Variants in CMYA5 observed in about 807,000 individuals in gnomAD.
The protein encoded by CMYA5 is cardiomyopathy-associated protein 5.
A neutral mutation model predicts 318.9 loss-of-function variants in CMYA5; 246 were observed. That is an observed-to-expected ratio of 0.77 (90% CI 0.70 to 0.86). CMYA5 has a LOEUF of 0.86. CMYA5 is among the 40% of genes least tolerant of loss of function. The pLI is 0.00. For synonymous variants in CMYA5, 1,641 were observed against 1,729.5 expected (o/e 0.95, Z 1.27); for missense variants, 4,589 against 4,678.2 (o/e 0.98, Z 0.56).
At chr5:79,694,780 C>T (rs1342017602) in intron 1 of CMYA5, among the ~76,000 whole-genome samples, 1 of 152,172 alleles carries the variant, frequency 6.6e-6, no homozygotes, top group East Asian at 1.9e-4. Context: ...CACAGATGTG[C>T]TTACCTAGGT....
chr5:79,715,797 C>G (rs2151079885), intron 1 of CMYA5, among the ~76,000 whole-genome samples: 1 of 152,260 alleles, frequency 6.6e-6, no homozygotes, highest in East Asian at 1.9e-4. Flanking sequence ...AATTGTCAAC[C>G]CTATTTTTCC....
At chr5:79,726,648 G>C (rs769754206) in intron 1 of CMYA5, among the ~76,000 whole-genome samples, 9 of 152,146 alleles carry the variant, frequency 5.9e-5, no homozygotes, top group Non-Finnish European at 1.0e-4. Flanking sequence ...GCTATTGCAG[G>C]CTAGTGGCCC....
chr5:79,728,448 G>T (rs1406983119), intron 1 of CMYA5, among the ~76,000 whole-genome samples: 1 of 152,028 alleles, frequency 6.6e-6, no homozygotes, highest in Non-Finnish European at 1.5e-5. Context: ...GGGGGAAAAT[G>T]AGGTACCTGT....
Position 79,799,558 on chromosome 5 carries a change from C to G in CMYA5, c.12152C>G (p.Pro4051Arg). ...CACCCTGCCTTTGCCCTGGAGAAACCTGGAAAATGTACTTTGCACCTGGGG... is the reference window on the plus strand; with the variant it reads ...CACCCTGCCTTTGCCCTGGAGAAACGTGGAAAATGTACTTTGCACCTGGGG... ...GVHPAFALEK[P>R]GKCTLHLGIE... The change falls in exon 13 of 13, where the codon CCT (proline) becomes CGT (arginine). Residue 4051 changes from proline (P) to arginine (R), a missense_variant. Physicochemically the swap from Pro to Arg is moderately radical, Grantham distance 103. This residue lies in a region of CMYA5 where 2,431 missense variants were observed against 2,495.1 expected (regional missense o/e 0.97). Coordinates refer to ENST00000446378, the MANE Select transcript of CMYA5 (RefSeq NM_153610.5). The G allele has an allele frequency of 6.2e-7, 1 of 1,613,942 alleles. No homozygotes were observed. The highest frequency in any genetic ancestry group is 8.5e-7 in the Non-Finnish European group (1 of 1,179,874).
chr5:79,752,394 C>A (rs1339629183), intron 5 of CMYA5, among the ~76,000 whole-genome samples: 1 of 152,070 alleles, frequency 6.6e-6, no homozygotes, highest in Non-Finnish European at 1.5e-5. Flanking sequence ...ATTTTTAGGA[C>A]CAACTTTATA....
chr5:79,793,551 G>C lies in CMYA5; in HGVS notation c.11904G>C (p.Gln3968His). Residue 3968 changes from glutamine to histidine, a missense_variant, in exon 12 of 13, where the codon CAG (glutamine) becomes CAC (histidine). Around this residue, in one of 3 missense-constraint regions of CMYA5, gnomAD observed 2,431 missense variants for 2,495.1 expected, o/e 0.97. Coordinates refer to ENST00000446378, the MANE Select transcript of CMYA5 (RefSeq NM_153610.5). ...GCATCTGCTCCAGCTCGGCTGTGCA[G>C]GCAGGTGCCCTAGGACAAGGGGAGA... ...RLGICSSSAV[Q>H]AGALGQGETS... 1 of 1,613,824 alleles carries C rather than the reference G, an allele frequency of 6.2e-7. No individual in the cohort carries two copies.
intron 1 of CMYA5, among the ~76,000 whole-genome samples, chr5:79,706,100 T>C (rs760752990): frequency 3.3e-5 from 5 of 152,130 alleles, no homozygotes; most frequent in Non-Finnish European, 7.3e-5. Context: ...CGCAAGATAA[T>C]GAAAGCTGGG....
chr5:79,729,811 G>A lies in CMYA5; in HGVS notation c.1046G>A (p.Gly349Asp), dbSNP rs1366271. Reference protein sequence around the residue: ...EHTVPSYSSSGRAEQGIQLRH... With the variant: ...EHTVPSYSSSDRAEQGIQLRH... ...ACAGTTCCCTCTTATTCAAGTAGTGGCAGAGCAGAACAAGGAATACAGCTC... is the reference window on the plus strand; with the variant it reads ...ACAGTTCCCTCTTATTCAAGTAGTGACAGAGCAGAACAAGGAATACAGCTC... The change falls in exon 2 of 13, where the codon GGC (glycine) becomes GAC (aspartate). Residue 349 changes from glycine to aspartate, a missense_variant. Gly to Asp is a moderately conservative substitution (Grantham distance 94, BLOSUM62 -1). Coordinates refer to ENST00000446378, the MANE Select transcript of CMYA5 (RefSeq NM_153610.5). 180,298 of 1,613,238 alleles carry A rather than the reference G, an allele frequency of 0.11. 16,963 individuals carry two copies. Among genetic ancestry groups the A allele is most frequent in the East Asian group, 0.46 (20,534 of 44,836 alleles).
intron 7 of CMYA5, 52 bp downstream of exon 7, chr5:79,758,954 T>A: frequency 4.2e-6 from 6 of 1,420,492 alleles, no homozygotes; most frequent in Admixed American, 2.2e-5. Flanking sequence ...TGCATCTTCA[T>A]GTGAAGTATT....
At chr5:79,696,772 G>A (rs890199171) in intron 1 of CMYA5, among the ~76,000 whole-genome samples, 12 of 152,172 alleles carry the variant, frequency 7.9e-5, no homozygotes, top group African/African-American at 2.7e-4. Flanking sequence ...TAGGGAGGCC[G>A]AGACGGGCAG....
At chr5:79,718,941 C>G (rs1042803408) in intron 1 of CMYA5, among the ~76,000 whole-genome samples, 2 of 152,274 alleles carry the variant, frequency 1.3e-5, no homozygotes, top group Admixed American at 6.5e-5. Flanking sequence ...ACTCTACCAT[C>G]TAGGTTTGTG....
In CMYA5 at chr5:79,739,197, C is replaced by T. The variant is rs1354249442; in HGVS notation, c.10432C>T (p.Gln3478Ter). The T allele has an allele frequency of 6.2e-7, 1 of 1,613,190 alleles. No individual in the cohort carries two copies. Among genetic ancestry groups the T allele is most frequent in the Admixed American group, 1.7e-5 (1 of 59,864 alleles). The stretch of plus-strand genomic sequence containing the variant: ...GGCAGAACAAAGTACACCTGCTGAA[C>T]AAAAAGAGTTGGGCAGCGAGAGGAA... ...SEAEQSTPAE[Q>*]KELGSERKEE... The change falls in exon 2 of 13, where the codon CAA becomes TAA. Residue 3478 changes from glutamine to a stop codon, truncating the protein, a stop_gained. Transcript: ENST00000446378. LOFTEE classifies it high-confidence loss of function.
At chr5:79,709,561 A>T (rs1291984601) in intron 1 of CMYA5, among the ~76,000 whole-genome samples, 1 of 151,280 alleles carries the variant, frequency 6.6e-6, no homozygotes, top group Non-Finnish European at 1.5e-5. Context: ...TTCTCTCATG[A>T]CTGTATAGAG....
chr5:79,711,961 G>T (rs1475059142), intron 1 of CMYA5, among the ~76,000 whole-genome samples: 1 of 152,112 alleles, frequency 6.6e-6, no homozygotes, highest in Admixed American at 6.6e-5. Flanking sequence ...TTCGCATATG[G>T]TACAGCAGTA....
At chr5:79,772,054 TAAC>T (rs903015847) in intron 9 of CMYA5, among the ~76,000 whole-genome samples, 7 of 152,030 alleles carry the variant, frequency 4.6e-5, no homozygotes, top group Admixed American at 1.3e-4. Flanking sequence ...CTCTTTCTGA[TAAC>T]AACAATGCAT....
chr5:79,729,219 AAAAG>A lies in CMYA5; in HGVS notation c.458_461del (p.Arg153IlefsTer17). ...ATCATTACGCCGGAAAGGCAACAGA[AAAAG>A]AAATTCTTTTGAATCCCAAGATGTT... On this transcript the variant is annotated frameshift_variant, in exon 2 of 13. Transcript: ENST00000446378. LOFTEE classifies it high-confidence loss of function. 1 of 1,613,064 alleles carries A rather than the reference AAAAG, an allele frequency of 6.2e-7. No individual in the cohort carries two copies. Among genetic ancestry groups the A allele is most frequent in the Non-Finnish European group, 8.5e-7 (1 of 1,179,670 alleles).
chr5:79,736,033 A>T lies in CMYA5; in HGVS notation c.7268A>T (p.Asp2423Val). 1 of 1,612,864 alleles carries T rather than the reference A, an allele frequency of 6.2e-7. No individual in the cohort carries two copies. ...PVEESKGSLI[D>V]FSEDRLKKEM... is the part of the protein sequence containing the mutation. ...GAAGAATCAAAAGGCAGTTTAATTG[A>T]TTTCAGTGAAGACAGACTCAAGAAA... Residue 2423 changes from aspartate (D) to valine (V), a missense_variant, in exon 2 of 13, where the codon GAT (aspartate) becomes GTT (valine). Physicochemically the swap from Asp to Val is radical, Grantham distance 152. This residue lies in a region of CMYA5 where 2,431 missense variants were observed against 2,495.1 expected (regional missense o/e 0.97). Transcript: ENST00000446378.
chr5:79,739,342 T>G lies in CMYA5; in HGVS notation c.10577T>G (p.Val3526Gly). The G allele has an allele frequency of 1.3e-6, 2 of 1,572,360 alleles. No homozygotes were observed. The highest frequency in any genetic ancestry group is 1.7e-6 in the Non-Finnish European group (2 of 1,159,108). ...TGTCCAATTTCTGCCACTGACAAGGTGTTTGGCACCCACAAAGACCATGAA... is the reference window on the plus strand; with the variant it reads ...TGTCCAATTTCTGCCACTGACAAGGGGTTTGGCACCCACAAAGACCATGAA... ...CKCPISATDKVFGTHKDHEVS... is the reference protein window; with the variant it reads ...CKCPISATDKGFGTHKDHEVS... The change falls in exon 2 of 13, where the codon GTG (valine) becomes GGG (glycine). Residue 3526 changes from valine (V) to glycine (G), a missense_variant. By Grantham distance (109) the Val-to-Gly change is moderately radical. Transcript: ENST00000446378.
chr5:79,765,102 T>C (rs1405598754), intron 9 of CMYA5, among the ~76,000 whole-genome samples: 1 of 152,188 alleles, frequency 6.6e-6, no homozygotes, highest in Non-Finnish European at 1.5e-5. Context: ...GGTTTTCTTC[T>C]AGCGTTTTTA....
Sources: gnomAD v4.1 joint callset for allele counts (sites outside exome capture counted in the v4.1 genomes callset) on GRCh38, gnomAD v4.1.1 for gene constraint, gnomAD v4.1.1 regional missense constraint, MANE v1.5 for transcripts, NCBI Gene and HGNC (gene_info 2026-07-23, HGNC 2026-07-21) for gene names.